Variants in TTC39C observed in about 807,000 individuals in gnomAD.
TTC39C encodes the protein tetratricopeptide repeat domain 39C.
A neutral mutation model predicts 76.3 loss-of-function variants in TTC39C; 33 were observed. That is an observed-to-expected ratio of 0.43 (90% CI 0.33 to 0.58). TTC39C has a LOEUF of 0.58. Ranked by LOEUF, TTC39C falls within the 20% of genes least tolerant of loss-of-function variation. The pLI, the probability that TTC39C is intolerant of heterozygous loss-of-function variation, is 0.04. For synonymous variants in TTC39C, 254 were observed against 260.6 expected (o/e 0.97, Z 0.24); for missense variants, 595 against 701.4 (o/e 0.85, Z 1.71).
intron 4 of TTC39C, among the ~76,000 whole-genome samples, chr18:24,079,280 T>C (rs1190784979): frequency 6.6e-6 from 1 of 152,186 alleles, no homozygotes; most frequent in Non-Finnish European, 1.5e-5. Context: ...CCTATGTAAG[T>C]TGACCTCCCC....
chr18:24,067,336 C>T (rs2084178497), intron 3 of TTC39C, among the ~76,000 whole-genome samples: 1 of 152,222 alleles, frequency 6.6e-6, no homozygotes, highest in South Asian at 2.1e-4. Context: ...GTAGGTCAGA[C>T]ACTATCCCAC....
At chr18:24,109,847 A>T (rs530683512) in intron 6 of TTC39C, among the ~76,000 whole-genome samples, 1 of 152,184 alleles carries the variant, frequency 6.6e-6, no homozygotes, top group Admixed American at 6.5e-5. Context: ...TCTAGTAAAA[A>T]TCCAAAAAAT....
intron 4 of TTC39C, among the ~76,000 whole-genome samples, chr18:24,077,579 G>A (rs1398281174): frequency 2.0e-5 from 3 of 152,174 alleles, no homozygotes; most frequent in East Asian, 1.9e-4. Flanking sequence ...GGCATTAGGC[G>A]GGATTGGACA....
intron 3 of TTC39C, among the ~76,000 whole-genome samples, chr18:24,068,005 T>C (rs1348999916): frequency 6.6e-6 from 1 of 152,210 alleles, no homozygotes; most frequent in African/African-American, 2.4e-5. Context: ...GTGTGTCTCC[T>C]ACAGCTTCCC....
intron 1 of TTC39C, among the ~76,000 whole-genome samples, chr18:24,026,248 A>G (rs1000262401): frequency 4.6e-5 from 7 of 152,192 alleles, no homozygotes; most frequent in African/African-American, 1.7e-4. Flanking sequence ...TCAAAGTATG[A>G]ACTGGCCTAT....
At chr18:24,050,995 C>T (rs1030241639) in intron 1 of TTC39C, among the ~76,000 whole-genome samples, 2 of 151,996 alleles carry the variant, frequency 1.3e-5, no homozygotes, top group South Asian at 2.1e-4. Flanking sequence ...TCTTCATGTA[C>T]GTGTGTGCTA....
chr18:24,100,650 T>A (rs1292013135), intron 6 of TTC39C, among the ~76,000 whole-genome samples: 1 of 152,324 alleles, frequency 6.6e-6, no homozygotes, highest in East Asian at 1.9e-4. Context: ...TGTGTGGCAT[T>A]GTAGAGAGAA....
intron 6 of TTC39C, among the ~76,000 whole-genome samples, chr18:24,103,102 G>GA (rs59683674): frequency 3.3e-5 from 5 of 151,480 alleles, no homozygotes; most frequent in African/African-American, 9.7e-5. Context: ...ACCGTGTCTG[G>GA]AAAAAAAAGA....
chr18:24,125,650 A>C, intron 10 of TTC39C, 100 bp downstream of exon 10: 170 of 1,489,066 alleles, frequency 1.1e-4, no homozygotes, highest in Middle Eastern at 2.0e-4. Flanking sequence ...TGTTTATCTC[A>C]TCGGAGTCAG....
intron 6 of TTC39C, among the ~76,000 whole-genome samples, chr18:24,101,434 C>G (rs892870231): frequency 2.6e-5 from 4 of 152,108 alleles, no homozygotes; most frequent in African/African-American, 9.7e-5. Flanking sequence ...CAGGGAAACC[C>G]CGTCTCTACT....
intron 4 of TTC39C, among the ~76,000 whole-genome samples, chr18:24,079,416 C>T (rs1202869679): frequency 6.6e-6 from 1 of 152,092 alleles, no homozygotes. Flanking sequence ...TACTTCAAGT[C>T]GTCTTTGTGG....
chr18:24,039,868 G>GGAGGAATT (rs992703098), intron 1 of TTC39C, among the ~76,000 whole-genome samples: 1 of 152,170 alleles, frequency 6.6e-6, no homozygotes, highest in Non-Finnish European at 1.5e-5. Flanking sequence ...GGAGGAAGGA[G>GGAGGAATT]GAGGAATTGA....
At position 24,061,226 on chromosome 18, in the gene TTC39C, CT is replaced by C. The variant is rs1220887860; in HGVS notation, c.168-2901del. 4.6e-3 allele frequency among the ~76,000 whole-genome samples: 637 copies of C among 139,298 alleles called. 1 individual carries two copies. Among genetic ancestry groups the C allele is most frequent in the African/African-American group, 0.011 (421 of 37,636 alleles). The allele number at this position is 139,298 out of a possible 152,430, so 91.4% of individuals were successfully genotyped here. On this transcript the variant is annotated intron_variant, in intron 1 of 13. Transcript: ENST00000317571. ...TCAATATCAGCAAATATTTAGTCTTCTTTTTTTTTTTTTAAAAAAATAGGTT... is the reference window on the plus strand; with the variant it reads ...TCAATATCAGCAAATATTTAGTCTTCTTTTTTTTTTTTAAAAAAATAGGTT...
At chr18:24,039,685 A>G (rs528188977) in intron 1 of TTC39C, among the ~76,000 whole-genome samples, 5 of 152,316 alleles carry the variant, frequency 3.3e-5, no homozygotes, top group Non-Finnish European at 7.3e-5. Flanking sequence ...TTAGAAAACT[A>G]ATTCTGGGGA....
chr18:24,092,104 A>T lies in TTC39C; in HGVS notation c.984+9023A>T, dbSNP rs1403278344. Reference sequence around the variant, plus strand: ...TGAGACTCAGTCTCAAAAAAAAAAAAAAAAAAAAAAAAAAAAAAAAATAAT... The same window carrying T: ...TGAGACTCAGTCTCAAAAAAAAAAATAAAAAAAAAAAAAAAAAAAAATAAT... On this transcript the variant is annotated intron_variant, in intron 6 of 13. Coordinates refer to ENST00000317571, the MANE Select transcript of TTC39C (RefSeq NM_001135993.2). Among the ~76,000 whole-genome samples the T allele has an allele frequency of 1.7e-3, 214 of 128,852 alleles. 5 individuals carry two copies. The highest frequency in any genetic ancestry group is 5.4e-3 in the African/African-American group (208 of 38,632). The allele number at this position is 128,852 out of a possible 152,430, so 84.5% of individuals were successfully genotyped here.
rs1034122137 is a variant in TTC39C at position 24,135,499 on chromosome 18, A to G, written c.*2925A>G. On this transcript the variant is annotated 3_prime_UTR_variant, in exon 14 of 14. Coordinates refer to ENST00000317571, the MANE Select transcript of TTC39C (RefSeq NM_001135993.2). ...TTTTCTGGCCTGCGTGCCGTGACTT[A>G]TCCAACCTGTGAACTGATTGTGATC... The G allele has an allele frequency of 2.6e-5, 4 of 153,288 alleles. No homozygotes were observed. The highest frequency in any genetic ancestry group is 9.7e-5 in the African/African-American group (4 of 41,434). 9.5% of individuals were successfully genotyped at this position (153,288 alleles called of 1,614,324 possible).
intron 1 of TTC39C, among the ~76,000 whole-genome samples, chr18:23,998,021 T>G (rs2083283353): frequency 6.6e-6 from 1 of 152,222 alleles, no homozygotes; most frequent in African/African-American, 2.4e-5. Context: ...TGCCAAGCTG[T>G]TCTTGAGAAG....
In TTC39C at chr18:24,133,054, A is replaced by G. The variant is rs1018141293; in HGVS notation, c.*480A>G. On this transcript the variant is annotated 3_prime_UTR_variant, in exon 14 of 14. Coordinates refer to ENST00000317571, the MANE Select transcript of TTC39C (RefSeq NM_001135993.2). ...CTTTATCCTCAAAATACTCCAGTGA[A>G]TAACATAGCACAGATATTCTTAACC... The G allele has an allele frequency of 6.5e-6, 1 of 152,880 alleles. No homozygotes were observed. The highest frequency in any genetic ancestry group is 2.4e-5 in the African/African-American group (1 of 41,482). The allele number at this position is 152,880 out of a possible 1,614,324, so 9.5% of individuals were successfully genotyped here.
intron 1 of TTC39C, among the ~76,000 whole-genome samples, chr18:24,004,407 A>G (rs1427259289): frequency 6.6e-6 from 1 of 152,180 alleles, no homozygotes; most frequent in Non-Finnish European, 1.5e-5. Context: ...AAAAATGTGT[A>G]TTTTTAGCCA....
Sources: gnomAD v4.1 joint callset for allele counts (sites outside exome capture counted in the v4.1 genomes callset) on GRCh38, gnomAD v4.1.1 for gene constraint, MANE v1.5 for transcripts, NCBI Gene and HGNC (gene_info 2026-07-23, HGNC 2026-07-21) for gene names.